Variants in NEMF observed in about 807,000 individuals in gnomAD.
NEMF encodes nuclear export mediator factor.
A neutral mutation model predicts 162.2 loss-of-function variants in NEMF; 89 were observed. The observed-to-expected ratio is 0.55, with a 90% confidence interval of 0.46 to 0.65. The LOEUF (loss-of-function observed/expected upper bound fraction) is 0.65, where lower values mean the gene tolerates loss of function less well. NEMF is among the 30% of genes least tolerant of loss of function. NEMF has a pLI of 0.00. For synonymous variants in NEMF, 421 were observed against 404.5 expected, an observed-to-expected ratio of 1.04 and a Z score of -0.49; for missense variants, 1,133 against 1,261.9, an observed-to-expected ratio of 0.90 and a Z score of 1.55.
rs758810702 is a variant in NEMF, at chr14:49,799,491, A to T, written c.2449T>A (p.Ser817Thr). ...TGTGTTTACCTTCTTTCCTTGGCTG[A>T]CAAATGTCTCCGGCTCTGTGATTTA... ...DSKSQSRRHLSAKERREMKKK... is the reference protein window; with the variant it reads ...DSKSQSRRHLTAKERREMKKK... Residue 817 changes from serine (S) to threonine (T), a missense_variant, in exon 25 of 33, where the codon TCA (serine) becomes ACA (threonine). Ser to Thr is a moderately conservative substitution (Grantham distance 58, BLOSUM62 1). Around this residue, in one of 3 missense-constraint regions of NEMF, gnomAD observed 532 missense variants for 578.6 expected, o/e 0.92. Transcript: ENST00000298310. The T allele has an allele frequency of 6.2e-7, 1 of 1,610,538 alleles. No individual in the cohort carries two copies. The highest frequency in any genetic ancestry group is 2.2e-5 in the East Asian group (1 of 44,826).
In NEMF at chr14:49,806,013, C is replaced by A; in HGVS notation, c.1857+8G>T. On this transcript the variant is annotated splice_region_variant and intron_variant, in intron 19 of 32. Coordinates refer to ENST00000298310, the MANE Select transcript of NEMF (RefSeq NM_004713.6). ...TAAATTAAGAAAAAGGACAAGAGCC[C>A]TTATTACCTGATGATGGTACACCCA... 1 of 1,590,294 alleles carries A rather than the reference C, an allele frequency of 6.3e-7. No homozygotes were observed. The highest frequency in any genetic ancestry group is 8.6e-7 in the Non-Finnish European group (1 of 1,161,278).
chr14:49,852,709 C>T lies in NEMF; in HGVS notation c.45G>A (p.Ala15=). The part of the protein sequence containing the change: ...FSTIDLRAVL[A]ELNASLLGMR... ...GGGTACTGTACCTAGCATTCAGCTC[C>T]GCGAGTACGGCGCGGAGGTCAATGG... Residue 15 remains alanine, a synonymous_variant, in exon 1 of 33, where the codon GCG becomes GCA. Transcript: ENST00000298310. 6.2e-7 allele frequency: 1 copy of T among 1,614,260 alleles called. No homozygotes were observed.
At position 49,834,356 on chromosome 14, in the gene NEMF, G is replaced by A. The variant is rs752721156; in HGVS notation, c.661+7C>T. The A allele has an allele frequency of 1.3e-6, 2 of 1,559,992 alleles. No individual in the cohort carries two copies. The highest frequency in any genetic ancestry group is 2.2e-5 in the South Asian group (2 of 89,780). ...AAATAAATGAAAAATGTACCATGCA[G>A]ACATACCTTTAGTTTCAAGTTTTTC... On this transcript the variant is annotated splice_region_variant and intron_variant, in intron 7 of 32. Transcript: ENST00000298310.
At chr14:49,804,652 C>G (rs1891105910) in intron 19 of NEMF, among the ~76,000 whole-genome samples, 1 of 122,672 alleles carries the variant, frequency 8.2e-6, no homozygotes, top group Admixed American at 9.5e-5. Flanking sequence ...GGTGACAGAG[C>G]AACATTCCAT....
chr14:49,822,349 AG>A (rs1430568379), intron 16 of NEMF, among the ~76,000 whole-genome samples: 3 of 150,094 alleles, frequency 2.0e-5, no homozygotes, highest in East Asian at 2.0e-4. Context: ...AAAAAAAAAG[AG>A]GAAAAAAAAA....
chr14:49,817,284 A>T (rs1891761571), intron 16 of NEMF, among the ~76,000 whole-genome samples: 1 of 152,036 alleles, frequency 6.6e-6, no homozygotes, highest in Non-Finnish European at 1.5e-5. Flanking sequence ...CTCTAATAAA[A>T]ATAGAAAAAT....
chr14:49,814,620 G>A, intron 17 of NEMF, 134 bp downstream of exon 17: 1 of 561,590 alleles, frequency 1.8e-6, no homozygotes, highest in Non-Finnish European at 3.1e-6. Context: ...AAACCATGAA[G>A]CATCATGCAT....
chr14:49,816,971 A>G (rs963513733), intron 16 of NEMF, among the ~76,000 whole-genome samples: 1 of 152,262 alleles, frequency 6.6e-6, no homozygotes, highest in Non-Finnish European at 1.5e-5. Context: ...AAATGGGACA[A>G]GCAAAAAGCA....
intron 28 of NEMF, among the ~76,000 whole-genome samples, chr14:49,788,495 G>C (rs1421073445): frequency 3.3e-5 from 5 of 151,028 alleles, no homozygotes; most frequent in African/African-American, 1.2e-4. Context: ...CTATAGAAAA[G>C]CTTAGAGAAA....
rs775023963 is a variant in NEMF, at chr14:49,838,186, C to T, written c.527G>A (p.Ser176Asn). The T allele has an allele frequency of 1.9e-6, 3 of 1,613,910 alleles. No homozygotes were observed. The highest frequency in any genetic ancestry group is 2.2e-5 in the South Asian group (2 of 91,070). ...TLERLTEIVA[S>N]APKGELLKRV... Reference sequence around the variant, plus strand: ...CTTCAGTAGTTCACCCTTAGGTGCGCTGGCTACTATTTCAGTCAACCTGTG... The same window carrying T: ...CTTCAGTAGTTCACCCTTAGGTGCGTTGGCTACTATTTCAGTCAACCTGTG... The change falls in exon 6 of 33, where the codon AGC becomes AAC. Residue 176 changes from serine to asparagine, a missense_variant. Transcript: ENST00000298310.
intron 18 of NEMF, among the ~76,000 whole-genome samples, chr14:49,809,535 C>G (rs1478241532): frequency 6.6e-6 from 1 of 152,140 alleles, no homozygotes; most frequent in East Asian, 1.9e-4. Flanking sequence ...ACATGTTTTA[C>G]ACATTTGTCC....
At chr14:49,835,505 G>A (rs896359608) in intron 6 of NEMF, among the ~76,000 whole-genome samples, 1 of 152,122 alleles carries the variant, frequency 6.6e-6, no homozygotes, top group Non-Finnish European at 1.5e-5. Flanking sequence ...TAGGAATAGA[G>A]GGAGCATTCT....
chr14:49,784,055 G>A lies in NEMF; in HGVS notation c.*581C>T, dbSNP rs55977608. The A allele has an allele frequency of 6.6e-6, 1 of 151,432 alleles. No homozygotes were observed. The highest frequency in any genetic ancestry group is 1.9e-4 in the East Asian group (1 of 5,170). The allele number at this position is 151,432 out of a possible 1,614,324, so 9.4% of individuals were successfully genotyped here. A position where few individuals can be genotyped will look rare whatever the true frequency, so the allele number is the denominator to read the frequency against. ...GTTCAGTTTCTTTACATCATGAAATGAATACTTGGTATTAACCTCCCAAAT... is the reference window on the plus strand; with the variant it reads ...GTTCAGTTTCTTTACATCATGAAATAAATACTTGGTATTAACCTCCCAAAT... On this transcript the variant is annotated 3_prime_UTR_variant, in exon 33 of 33. Coordinates refer to ENST00000298310, the MANE Select transcript of NEMF (RefSeq NM_004713.6).
rs1890521656 is a variant in NEMF, at chr14:49,792,934, C to A, written c.2619+2857G>T. ...AGATCGAGGCTGCAGTGAGCCATAA[C>A]CACACCACTGCAGTCCAGCCTGGGC... is the stretch of plus-strand genomic sequence containing the variant. On this transcript the variant is annotated intron_variant, in intron 26 of 32. Coordinates refer to ENST00000298310, the MANE Select transcript of NEMF (RefSeq NM_004713.6). 6.6e-5 allele frequency among the ~76,000 whole-genome samples: 10 copies of A among 151,962 alleles called. 1 individual carries two copies. Among genetic ancestry groups the A allele is most frequent in the Admixed American group, 6.6e-4 (10 of 15,248 alleles).
chr14:49,820,895 C>T (rs531585573), intron 16 of NEMF, among the ~76,000 whole-genome samples: 3 of 152,222 alleles, frequency 2.0e-5, no homozygotes, highest in African/African-American at 7.2e-5. Flanking sequence ...GCCGGGATTG[C>T]AGACGGAGTC....
At chr14:49,792,854 G>A (rs1890518450) in intron 26 of NEMF, among the ~76,000 whole-genome samples, 1 of 152,076 alleles carries the variant, frequency 6.6e-6, no homozygotes, top group Admixed American at 6.6e-5. Context: ...GGTGGCACAT[G>A]CCTGTGATCC....
rs780213098 is a variant in NEMF at position 49,852,680 on chromosome 14, C to T, written c.59+15G>A. 1 of 1,614,186 alleles carries T rather than the reference C, an allele frequency of 6.2e-7. No homozygotes were observed. The highest frequency in any genetic ancestry group is 1.7e-5 in the Admixed American group (1 of 60,030). On this transcript the variant is annotated intron_variant, in intron 1 of 32. Transcript: ENST00000298310. Reference sequence around the variant, plus strand: ...TGCACTCCCCACACGAGCCTCGTCACTTAGGGTACTGTACCTAGCATTCAG... The same window carrying T: ...TGCACTCCCCACACGAGCCTCGTCATTTAGGGTACTGTACCTAGCATTCAG...
chr14:49,818,134 C>A (rs1158519807), intron 16 of NEMF, among the ~76,000 whole-genome samples: 3 of 146,610 alleles, frequency 2.0e-5, no homozygotes, highest in East Asian at 4.0e-4. Flanking sequence ...GTCACCCAGA[C>A]TGGAGTGCAG....
In NEMF at chr14:49,828,273, C is replaced by CT. The variant is rs1252942393; in HGVS notation, c.1488+17dup. 1 of 1,561,592 alleles carries CT rather than the reference C, an allele frequency of 6.4e-7. No homozygotes were observed. The highest frequency in any genetic ancestry group is 1.7e-5 in the Admixed American group (1 of 59,692). On this transcript the variant is annotated intron_variant, in intron 15 of 32. Transcript: ENST00000298310. ...CAGGCACAAACAACTAACATTCACT[C>CT]TAAGAAATACTCAGTACCTTCTCAG...
Sources: allele counts gnomAD v4.1 joint callset (sites outside exome capture counted in the v4.1 genomes callset), GRCh38; gene constraint gnomAD v4.1.1; regional missense constraint gnomAD v4.1.1; transcripts MANE v1.5; gene names NCBI Gene and HGNC (gene_info 2026-07-23, HGNC 2026-07-21).